The following ADGRV1 variants were observed in gnomAD, a reference collection of about 807,000 sequenced individuals.
The protein encoded by ADGRV1 is G-protein coupled receptor 98.
ADGRV1 carries 359 observed loss-of-function variants against 596.2 expected under a neutral mutation model. The ratio of observed to expected loss-of-function variants is 0.60; its 90% CI spans 0.55 to 0.66. The LOEUF is 0.66. ADGRV1 is among the 30% of genes least tolerant of loss of function. The pLI, the probability that ADGRV1 is intolerant of heterozygous loss-of-function variation, is 0.00. For missense variants in ADGRV1, 7,274 were observed against 7,575.6 expected, an observed-to-expected ratio of 0.96 and a Z score of 1.48; for synonymous variants, 2,681 against 2,679.2, an observed-to-expected ratio of 1.00 and a Z score of -0.02.
At chr5:91,024,280 G>A (rs985871277) in intron 85 of ADGRV1, among the ~76,000 whole-genome samples, 7 of 152,028 alleles carry the variant, frequency 4.6e-5, no homozygotes, top group East Asian at 1.9e-4. Context: ...GGGCATTTTC[G>A]GCCTAAGGGA....
rs769239259 is a variant in ADGRV1 at position 90,683,608 on chromosome 5, T to C, written c.5687T>C (p.Leu1896Pro). ...TLNVIRHHGT[L>P]SPVTLHWNID... ...TAGGTTATAAGACATCATGGAACTC[T>C]GTCTCCAGTGACTTTGCATTGGAAC... Residue 1896 changes from leucine (L) to proline (P), a missense_variant, in exon 28 of 90, where the codon CTG (leucine) becomes CCG (proline). Coordinates refer to ENST00000405460, the MANE Select transcript of ADGRV1 (RefSeq NM_032119.4). 1.7e-5 allele frequency: 27 copies of C among 1,602,618 alleles called. No individual in the cohort carries two copies. The highest frequency in any genetic ancestry group is 2.2e-5 in the Non-Finnish European group (26 of 1,170,862).
In ADGRV1 at chr5:90,810,747, A is replaced by G; in HGVS notation, c.15487A>G (p.Thr5163Ala). ...VETESTTYLS[T>A]SKTTTILQPT... is the part of the protein sequence containing the mutation. Reference sequence around the variant, plus strand: ...AACTGAATCCACCACATACCTCAGCACAAGCAAGACGACTACCATTCTGCA... The same window carrying G: ...AACTGAATCCACCACATACCTCAGCGCAAGCAAGACGACTACCATTCTGCA... Residue 5163 changes from threonine (T) to alanine (A), a missense_variant, in exon 74 of 90, where the codon ACA becomes GCA. By Grantham distance (58) the Thr-to-Ala change is moderately conservative (BLOSUM62 0). Transcript: ENST00000405460. The G allele has an allele frequency of 6.2e-7, 1 of 1,613,862 alleles. No individual in the cohort carries two copies. Among genetic ancestry groups the G allele is most frequent in the Non-Finnish European group, 8.5e-7 (1 of 1,179,860 alleles).
In ADGRV1 at chr5:91,097,976, C is replaced by A. The variant is rs143582943; in HGVS notation, c.18311-4243C>A. Among the ~76,000 whole-genome samples the A allele has an allele frequency of 2.0e-3, 298 of 152,212 alleles. 1 individual carries two copies. Among genetic ancestry groups the A allele is most frequent in the African/African-American group, 6.6e-3 (276 of 41,550 alleles). Reference sequence around the variant, plus strand: ...TATATAGCACAGTCTTATATAGATACTCATTTCTTGGGTGCAACACTGTGT... The same window carrying A: ...TATATAGCACAGTCTTATATAGATAATCATTTCTTGGGTGCAACACTGTGT... On this transcript the variant is annotated intron_variant, in intron 86 of 89. Coordinates refer to ENST00000405460, the MANE Select transcript of ADGRV1 (RefSeq NM_032119.4).
At chr5:90,779,755 C>A (rs1758640486) in intron 64 of ADGRV1, 1 of 152,132 alleles carries the variant, frequency 6.6e-6, no homozygotes, top group Admixed American at 6.6e-5. Context: ...TTGAGAGAGA[C>A]CTACCAGCAT....
chr5:90,587,122 T>C (rs1758851972), intron 1 of ADGRV1, among the ~76,000 whole-genome samples: 2 of 152,324 alleles, frequency 1.3e-5, no homozygotes, highest in South Asian at 4.1e-4. Flanking sequence ...TGGATTTATA[T>C]ATTCCACGTG....
At chr5:90,849,248 A>T (rs1019800328) in intron 79 of ADGRV1, among the ~76,000 whole-genome samples, 5 of 152,188 alleles carry the variant, frequency 3.3e-5, no homozygotes, top group Non-Finnish European at 7.3e-5. Context: ...TGAACTTCAG[A>T]CTAGTTGTCG....
At chr5:90,645,842 C>A in intron 15 of ADGRV1, 126 bp from the exon 16 acceptor site, 1 of 678,486 alleles carries the variant, frequency 1.5e-6, no homozygotes, top group Non-Finnish European at 2.1e-6. Context: ...AGTTCTGCCT[C>A]CGAAAAGGAA....
At position 90,672,705 on chromosome 5, in the gene ADGRV1, C is replaced by T; in HGVS notation, c.4912C>T (p.Pro1638Ser). ...TGCCAGTGGAACTATTACATTCCTT[C>T]CTTGGCAGAGATCAGAGGTAAACCC... is the stretch of plus-strand genomic sequence containing the variant. Reference protein sequence around the residue: ...ANASGTITFLPWQRSEVLNIY... With the variant: ...ANASGTITFLSWQRSEVLNIY... The change falls in exon 22 of 90, where the codon CCT becomes TCT. Residue 1638 changes from proline to serine, a missense_variant. Around this residue, in one of 5 missense-constraint regions of ADGRV1, gnomAD observed 3,643 missense variants for 3,809.2 expected, o/e 0.96. Transcript: ENST00000405460. 2 of 1,611,622 alleles carry T rather than the reference C, an allele frequency of 1.2e-6. No individual in the cohort carries two copies. Among genetic ancestry groups the T allele is most frequent in the Admixed American group, 1.7e-5 (1 of 59,872 alleles).
chr5:90,763,496 AT>A, intron 59 of ADGRV1, 27 bp downstream of exon 59: 1 of 1,572,456 alleles, frequency 6.4e-7, no homozygotes, highest in Non-Finnish European at 8.7e-7. Context: ...CACTCCTGTA[AT>A]TTTTCCCCAA....
At chr5:91,091,232 C>A (rs980606398) in intron 86 of ADGRV1, among the ~76,000 whole-genome samples, 1 of 152,076 alleles carries the variant, frequency 6.6e-6, no homozygotes, top group Non-Finnish European at 1.5e-5. Flanking sequence ...TCATAGGCAG[C>A]TTTGTTTACA....
At chr5:90,604,318 T>G (rs1761806047) in intron 1 of ADGRV1, among the ~76,000 whole-genome samples, 1 of 152,120 alleles carries the variant, frequency 6.6e-6, no homozygotes, top group Non-Finnish European at 1.5e-5. Context: ...TGGCAGTGAG[T>G]GCAAATAATT....
intron 86 of ADGRV1, among the ~76,000 whole-genome samples, chr5:91,077,438 C>T (rs1045457658): frequency 1.3e-5 from 2 of 152,304 alleles, no homozygotes; most frequent in African/African-American, 2.4e-5. Flanking sequence ...TCCCTTACAC[C>T]GTGTATTTTG....
chr5:90,692,928 A>T, intron 32 of ADGRV1, 142 bp downstream of exon 32: 1 of 610,974 alleles, frequency 1.6e-6, no homozygotes, highest in Non-Finnish European at 2.7e-6. Context: ...TTAATGTGTT[A>T]ACTGAATTAT....
At chr5:90,597,031 A>G (rs1000453947) in intron 1 of ADGRV1, among the ~76,000 whole-genome samples, 1 of 152,230 alleles carries the variant, frequency 6.6e-6, no homozygotes, top group East Asian at 1.9e-4. Flanking sequence ...CTATGTGGAC[A>G]CAGGACAGAG....
chr5:90,626,377 G>T (rs531949563), intron 6 of ADGRV1: 4 of 152,218 alleles, frequency 2.6e-5, no homozygotes, highest in African/African-American at 9.6e-5. Flanking sequence ...TTGGGGAGAT[G>T]ATTAATTATA....
chr5:90,810,749 A>G lies in ADGRV1; in HGVS notation c.15489A>G (p.Thr5163=), dbSNP rs370728324. ...VETESTTYLS[T]SKTTTILQPT... is the part of the protein sequence containing the mutation. ...CTGAATCCACCACATACCTCAGCAC[A>G]AGCAAGACGACTACCATTCTGCAGC... Residue 5163 remains threonine (T), a synonymous_variant, in exon 74 of 90, where the codon ACA becomes ACG. Transcript: ENST00000405460. 1.2e-6 allele frequency: 2 copies of G among 1,613,782 alleles called. No individual in the cohort carries two copies. The highest frequency in any genetic ancestry group is 2.7e-5 in the African/African-American group (2 of 74,884).
chr5:90,748,592 A>T (rs1270250635), intron 52 of ADGRV1, among the ~76,000 whole-genome samples: 12 of 152,098 alleles, frequency 7.9e-5, no homozygotes, highest in African/African-American at 2.9e-4. Flanking sequence ...CTAAGACATG[A>T]ACTGGGTCTT....
intron 7 of ADGRV1, among the ~76,000 whole-genome samples, chr5:90,628,330 T>A (rs978856838): frequency 7.2e-5 from 11 of 152,206 alleles, no homozygotes; most frequent in African/African-American, 2.7e-4. Flanking sequence ...GAGGATTGCC[T>A]GAGTCCATGA....
intron 15 of ADGRV1, among the ~76,000 whole-genome samples, chr5:90,645,288 A>G (rs1197820402): frequency 6.6e-6 from 1 of 152,196 alleles, no homozygotes; most frequent in African/African-American, 2.4e-5. Context: ...TAACAACAGG[A>G]AGTGAACCTT....
Sources: gnomAD v4.1 joint callset for allele counts (sites outside exome capture counted in the v4.1 genomes callset) on GRCh38, gnomAD v4.1.1 for gene constraint, gnomAD v4.1.1 regional missense constraint, MANE v1.5 for transcripts, NCBI Gene and HGNC (gene_info 2026-07-23, HGNC 2026-07-21) for gene names.